The following ARHGEF3 variants were observed in gnomAD, a reference collection of about 807,000 sequenced individuals.
ARHGEF3 encodes Rho guanine nucleotide exchange factor 3.
In ARHGEF3, 28 loss-of-function variants were observed where a neutral mutation model predicts 63.2. The observed-to-expected ratio is 0.44, with a 90% CI of 0.33 to 0.61. The LOEUF (loss-of-function observed/expected upper bound fraction) is 0.61. Ranked by LOEUF, ARHGEF3 falls within the 20% of genes least tolerant of loss-of-function variation. ARHGEF3 has a pLI of 0.03. For synonymous variants in ARHGEF3, 266 were observed against 254.2 expected (o/e 1.05, Z -0.44); for missense variants, 533 against 659.3 (o/e 0.81, Z 2.10).
chr3:56,914,568 T>C (rs968407778), intron 3 of ARHGEF3, among the ~76,000 whole-genome samples: 2 of 152,172 alleles, frequency 1.3e-5, no homozygotes, highest in African/African-American at 2.4e-5. Context: ...AATCATGCAA[T>C]AGTGTCGTAT....
chr3:56,812,899 A>C (rs1282945401), intron 4 of ARHGEF3, among the ~76,000 whole-genome samples: 1 of 152,240 alleles, frequency 6.6e-6, no homozygotes, highest in Non-Finnish European at 1.5e-5. Flanking sequence ...GTTTAGAGAC[A>C]ATACATGGTG....
chr3:56,862,835 G>A (rs932026222), intron 4 of ARHGEF3, among the ~76,000 whole-genome samples: 3 of 152,080 alleles, frequency 2.0e-5, no homozygotes, highest in Non-Finnish European at 2.9e-5. Flanking sequence ...ACCTCCCCTA[G>A]CTTTTTCCAC....
intron 4 of ARHGEF3, among the ~76,000 whole-genome samples, chr3:56,866,805 G>C (rs1285163689): frequency 6.6e-6 from 1 of 152,204 alleles, no homozygotes; most frequent in Non-Finnish European, 1.5e-5. Context: ...CACCCGTTAA[G>C]TGGAAAGGAA....
At chr3:56,840,778 C>T (rs1423102762) in intron 4 of ARHGEF3, among the ~76,000 whole-genome samples, 5 of 152,102 alleles carry the variant, frequency 3.3e-5, no homozygotes, top group Admixed American at 3.3e-4. Flanking sequence ...AACATTAATA[C>T]TATTTGTTCA....
intron 2 of ARHGEF3, among the ~76,000 whole-genome samples, chr3:57,010,230 A>G (rs34144315): frequency 0.17 from 25,166 of 151,966 alleles, 2,492 homozygotes; most frequent in Middle Eastern, 0.25. Context: ...CAAGGCGGGC[A>G]GATCACGAGG....
intron 3 of ARHGEF3, among the ~76,000 whole-genome samples, chr3:56,919,269 A>G (rs2042064967): frequency 6.6e-6 from 1 of 152,232 alleles, no homozygotes; most frequent in Non-Finnish European, 1.5e-5. Flanking sequence ...TGTATGGGCC[A>G]CATAACACAG....
Position 56,794,923 on chromosome 3 carries a change from A to G in ARHGEF3, c.96+6780T>C, listed in dbSNP as rs148318511. On this transcript the variant is annotated intron_variant, in intron 1 of 9. Transcript: ENST00000296315. The stretch of plus-strand genomic sequence containing the variant: ...CCCAGGCTAGGGTTGCAGTGGCACA[A>G]TCTCAGCTCATTGCAGCCTCAAACT... 4.5e-4 allele frequency among the ~76,000 whole-genome samples: 69 copies of G among 152,110 alleles called. 1 individual carries two copies. The East Asian group carries it at 0.012, about 27-fold the overall frequency.
intron 4 of ARHGEF3, among the ~76,000 whole-genome samples, chr3:56,854,257 G>A (rs779032715): frequency 2.6e-5 from 4 of 152,010 alleles, no homozygotes; most frequent in Non-Finnish European, 5.9e-5. Flanking sequence ...AGAAAAGAAA[G>A]ATTCCAGGCA....
rs375310176 is a variant in ARHGEF3, at chr3:57,074,095, A to T, written c.-28+5131T>A. 4 of 1,613,880 alleles carry T rather than the reference A, an allele frequency of 2.5e-6. No homozygotes were observed. The highest frequency in any genetic ancestry group is 3.4e-6 in the Non-Finnish European group (4 of 1,179,856). ...ACACCTCAATTTCTTGGTATGGAAG[A>T]TGGGGATAATGAGAGGACCACAGGA... On this transcript the variant is annotated intron_variant, in intron 1 of 12. Transcript: ENST00000338458.
rs539189270 is a variant in ARHGEF3, at chr3:56,910,614, C to A, written c.130-28260G>T. Among the ~76,000 whole-genome samples, 23 of 152,032 alleles carry A rather than the reference C, an allele frequency of 1.5e-4. 1 individual carries two copies. The South Asian group carries it at 4.6e-3, about 30-fold the overall frequency. On this transcript the variant is annotated intron_variant, in intron 3 of 12. Transcript: ENST00000338458. ...GATGTGTCTAAGTCTAAAAAATAAA[C>A]AAAAACAAACCAAAAAACCCAAACC...
exon 1 of ARHGEF3, chr3:57,079,255 A>T (rs1706352737): frequency 1.1e-5 from 4 of 351,120 alleles, no homozygotes. Flanking sequence ...CGGCCTCTCC[A>T]GGCTGGAAAA....
chr3:56,906,854 A>G (rs1046491708), intron 3 of ARHGEF3, among the ~76,000 whole-genome samples: 5 of 151,718 alleles, frequency 3.3e-5, no homozygotes, highest in Non-Finnish European at 7.4e-5. Context: ...AAAAAGAAAG[A>G]AAGAAAGAAA....
At chr3:56,919,157 G>A (rs77567549) in intron 3 of ARHGEF3, among the ~76,000 whole-genome samples, 10,622 of 152,232 alleles carry the variant, frequency 0.07, 426 homozygotes, top group South Asian at 0.16. Flanking sequence ...TCCAGGGTGA[G>A]CAGACATTCT....
chr3:57,049,820 C>A (rs1704599558), intron 1 of ARHGEF3, among the ~76,000 whole-genome samples: 1 of 152,190 alleles, frequency 6.6e-6, no homozygotes, highest in African/African-American at 2.4e-5. Context: ...TGCCCAGCAC[C>A]CACTAGGTGC....
At chr3:56,917,398 C>T (rs1326753890) in intron 3 of ARHGEF3, among the ~76,000 whole-genome samples, 1 of 152,190 alleles carries the variant, frequency 6.6e-6, no homozygotes, top group Non-Finnish European at 1.5e-5. Flanking sequence ...CCAGGGTTTC[C>T]TGGGGCCTTC....
intron 3 of ARHGEF3, among the ~76,000 whole-genome samples, chr3:56,947,984 C>A (rs1299682382): frequency 1.3e-5 from 2 of 152,212 alleles, no homozygotes; most frequent in African/African-American, 2.4e-5. Context: ...TCACTCAAAA[C>A]CGCTCAACTA....
chr3:56,963,668 A>G (rs1234405750), intron 2 of ARHGEF3, among the ~76,000 whole-genome samples: 1 of 152,226 alleles, frequency 6.6e-6, no homozygotes, highest in African/African-American at 2.4e-5. Flanking sequence ...CAATTGTAGC[A>G]TAACTAGAAA....
Position 56,966,245 on chromosome 3 carries a change from T to C in ARHGEF3, c.63-7356A>G, listed in dbSNP as rs1476282658. Among the ~76,000 whole-genome samples the C allele has an allele frequency of 2.6e-5, 4 of 152,228 alleles. No individual in the cohort carries two copies. In the East Asian group the frequency reaches 5.8e-4, roughly 22 times the overall value. ...AAAATCTGAAGCAAATATGACTAAA[T>C]GTTGGATGTATAGTGGGTACAGAGA... On this transcript the variant is annotated intron_variant, in intron 2 of 12. Transcript: ENST00000338458.
rs141138180 is a variant in ARHGEF3 at position 56,845,694 on chromosome 3, C to T, written c.192+36598G>A. On this transcript the variant is annotated intron_variant, in intron 4 of 12. Coordinates refer to the ARHGEF3 transcript ENST00000338458. ...TCAGCAGGCCCTAACTTCACTAAGC[C>T]ATTCCTTCAGTCCTTGACCTTATTA... Among the ~76,000 whole-genome samples, 39 of 152,318 alleles carry T rather than the reference C, an allele frequency of 2.6e-4. No individual in the cohort carries two copies. In the East Asian group the frequency reaches 6.9e-3, roughly 27 times the overall value.
Sources: gnomAD v4.1 joint callset for allele counts (sites outside exome capture counted in the v4.1 genomes callset) on GRCh38, gnomAD v4.1.1 for gene constraint, MANE v1.5 for transcripts, NCBI Gene and HGNC (gene_info 2026-07-23, HGNC 2026-07-21) for gene names.